DGKB: variants seen among roughly 807,000 people sequenced by gnomAD.
DGKB encodes diacylglycerol kinase beta, also known as 90 kDa diacylglycerol kinase.
Under a neutral mutation model 114.3 loss-of-function variants are expected in DGKB, and 67 were observed. The ratio of observed to expected loss-of-function variants is 0.59; its 90% CI spans 0.48 to 0.72. The LOEUF (loss-of-function observed/expected upper bound fraction) is 0.72. Among genes scored for constraint, DGKB ranks in the 30% least tolerant of loss-of-function variants. The pLI, the probability that DGKB is intolerant of heterozygous loss-of-function variation, is 0.00. For synonymous variants in DGKB, 398 were observed against 323.1 expected, an observed-to-expected ratio of 1.23 and a Z score of -2.49; for missense variants, 907 against 975.2, an observed-to-expected ratio of 0.93 and a Z score of 0.93.
intron 21 of DGKB, among the ~76,000 whole-genome samples, chr7:14,463,214 G>A (rs1012014615): frequency 1.3e-5 from 2 of 152,044 alleles, no homozygotes; most frequent in African/African-American, 2.4e-5. Flanking sequence ...GAAACAGGGA[G>A]GGGAACATCA....
At chr7:14,908,106 G>T (rs537071166), upstream of DGKB, among the ~76,000 whole-genome samples, 1 of 152,244 alleles carries the variant, frequency 6.6e-6, no homozygotes, top group African/African-American at 2.4e-5. Flanking sequence ...TTTAGCAATG[G>T]TCATCCACAC....
chr7:14,231,814 GTTGAA>G (rs1248209984), intron 23 of DGKB, among the ~76,000 whole-genome samples: 9 of 152,014 alleles, frequency 5.9e-5, no homozygotes, highest in African/African-American at 9.7e-5. Context: ...GGAAAAGTAA[GTTGAA>G]TTGATGTGAA....
intron 23 of DGKB, among the ~76,000 whole-genome samples, chr7:14,321,932 T>C (rs1057272874): frequency 6.6e-6 from 1 of 152,218 alleles, no homozygotes; most frequent in African/African-American, 2.4e-5. Context: ...ACTCAGACTG[T>C]AAAAATGCCA....
intron 14 of DGKB, among the ~76,000 whole-genome samples, chr7:14,622,446 A>G (rs1449688761): frequency 6.6e-6 from 1 of 152,124 alleles, no homozygotes; most frequent in African/African-American, 2.4e-5. Flanking sequence ...TTCTAAATGT[A>G]TAATTCTTGT....
intron 21 of DGKB, among the ~76,000 whole-genome samples, chr7:14,352,285 A>T (rs1813604610): frequency 6.6e-6 from 1 of 152,190 alleles, no homozygotes; most frequent in African/African-American, 2.4e-5. Context: ...GATGCACCCA[A>T]AGATCAAATA....
intron 1 of DGKB, among the ~76,000 whole-genome samples, chr7:14,908,548 C>T (rs1783827305): frequency 2.0e-5 from 3 of 152,168 alleles, no homozygotes; most frequent in Admixed American, 1.3e-4. Flanking sequence ...TTTAAGCCAT[C>T]TAAATGATTA....
At chr7:14,950,487 G>T (rs1444855847) in intron 1 of DGKB, among the ~76,000 whole-genome samples, 2 of 151,802 alleles carry the variant, frequency 1.3e-5, no homozygotes, top group Non-Finnish European at 2.9e-5. Flanking sequence ...TATTTATAAT[G>T]ATCAGGTATT....
intron 20 of DGKB, among the ~76,000 whole-genome samples, chr7:14,510,342 C>T (rs546073484): frequency 2.2e-4 from 33 of 152,272 alleles, no homozygotes; most frequent in African/African-American, 7.2e-4. Flanking sequence ...TAGTCTACAT[C>T]CTTTGTTGGC....
chr7:14,687,107 C>T (rs936387381), intron 9 of DGKB, among the ~76,000 whole-genome samples: 1 of 152,090 alleles, frequency 6.6e-6, no homozygotes, highest in Admixed American at 6.5e-5. Context: ...TCAATTGGGT[C>T]CCACTCTGTC....
At chr7:14,940,334 T>C (rs1460876701) in intron 1 of DGKB, among the ~76,000 whole-genome samples, 1 of 145,080 alleles carries the variant, frequency 6.9e-6, no homozygotes, top group African/African-American at 2.5e-5. Flanking sequence ...ACCTCCAGAG[T>C]CTTCAAGCCT....
rs533752866 is a variant in DGKB at position 14,172,496 on chromosome 7, A to G, written c.2304+4343T>C. On this transcript the variant is annotated intron_variant, in intron 25 of 25. Transcript: ENST00000402815. ...GTCATATCATTATATGGACACGTAAATTGGATTTGAGGGTATATAGAGAAG... is the reference window on the plus strand; with the variant it reads ...GTCATATCATTATATGGACACGTAAGTTGGATTTGAGGGTATATAGAGAAG... 3.3e-5 allele frequency among the ~76,000 whole-genome samples: 5 copies of G among 152,252 alleles called. No individual in the cohort carries two copies. The South Asian group carries it at 6.2e-4, about 19-fold the overall frequency.
At chr7:14,806,666 T>C (rs10253171) in intron 2 of DGKB, among the ~76,000 whole-genome samples, 62,168 of 151,848 alleles carry the variant, frequency 0.41, 14,585 homozygotes, top group African/African-American at 0.64. Flanking sequence ...TGTAGTACCT[T>C]GTAACAGTCA....
Position 14,798,689 on chromosome 7 carries a change from G to A in DGKB, c.71-40958C>T, listed in dbSNP as rs187142126. On this transcript the variant is annotated intron_variant, in intron 2 of 25. Transcript: ENST00000402815. ...CCCAGGACACCCAAAACATCACTTT[G>A]GCCCACCAGTTATAACAGGACTTAT... 2.0e-5 allele frequency among the ~76,000 whole-genome samples: 3 copies of A among 152,102 alleles called. No homozygotes were observed. In the East Asian group the frequency reaches 5.8e-4, roughly 29 times the overall value.
At chr7:14,756,805 A>T (rs566800269) in intron 3 of DGKB, among the ~76,000 whole-genome samples, 1 of 152,122 alleles carries the variant, frequency 6.6e-6, no homozygotes, top group Admixed American at 6.6e-5. Context: ...AAATCTATCT[A>T]GTTAATACAT....
chr7:14,734,738 T>A (rs1446049832), intron 5 of DGKB, among the ~76,000 whole-genome samples: 1 of 152,202 alleles, frequency 6.6e-6, no homozygotes, highest in Non-Finnish European at 1.5e-5. Context: ...TTCTTGTTAT[T>A]TTTGGAATGT....
At chr7:14,854,127 C>T (rs1427821471) in intron 1 of DGKB, among the ~76,000 whole-genome samples, 7 of 152,026 alleles carry the variant, frequency 4.6e-5, no homozygotes, top group Non-Finnish European at 1.0e-4. Context: ...TTTTATATTA[C>T]CCATAGGATT....
chr7:14,306,594 T>C (rs1804519869), intron 23 of DGKB, among the ~76,000 whole-genome samples: 1 of 152,112 alleles, frequency 6.6e-6, no homozygotes, highest in Admixed American at 6.6e-5. Context: ...GTCGGTACAG[T>C]AGATAATTGA....
intron 3 of DGKB, 24 bp downstream of exon 3, chr7:14,757,631 G>GAT: frequency 3.6e-6 from 5 of 1,378,544 alleles, no homozygotes; most frequent in Non-Finnish European, 5.1e-6. Context: ...ATACGAAACT[G>GAT]ATATAAAGAA....
At chr7:14,417,125 C>T (rs758384483) in intron 21 of DGKB, among the ~76,000 whole-genome samples, 21 of 152,106 alleles carry the variant, frequency 1.4e-4, no homozygotes, top group African/African-American at 2.2e-4. Context: ...ACCTTCAGAA[C>T]GACACTTAAG....
Sources: gnomAD v4.1 joint callset for allele counts (sites outside exome capture counted in the v4.1 genomes callset) on GRCh38, gnomAD v4.1.1 for gene constraint, MANE v1.5 for transcripts, NCBI Gene and HGNC (gene_info 2026-07-23, HGNC 2026-07-21) for gene names.